SWT1: variants seen among roughly 807,000 people sequenced by gnomAD.
The protein encoded by SWT1 is transcriptional protein SWT1.
Under a neutral mutation model 107.3 loss-of-function variants are expected in SWT1, and 33 were observed. The observed-to-expected ratio is 0.31, with a 90% CI of 0.23 to 0.41. The LOEUF is 0.41. Ranked by LOEUF, SWT1 falls within the 10% of genes least tolerant of loss-of-function variation. SWT1 has a pLI of 1.00. For synonymous variants in SWT1, 345 were observed against 348.3 expected (o/e 0.99, Z 0.11); for missense variants, 898 against 1,028.9 (o/e 0.87, Z 1.74).
intron 16 of SWT1, among the ~76,000 whole-genome samples, chr1:185,250,917 C>A (rs1490800566): frequency 6.6e-6 from 1 of 152,204 alleles, no homozygotes; most frequent in East Asian, 1.9e-4. Context: ...GCCTCCTCGG[C>A]CTCCCAAAGT....
At chr1:185,221,068 C>T (rs2102526327) in intron 14 of SWT1, among the ~76,000 whole-genome samples, 1 of 152,208 alleles carries the variant, frequency 6.6e-6, no homozygotes, top group African/African-American at 2.4e-5. Flanking sequence ...CACACACACA[C>T]ACACACACAC....
chr1:185,161,202 A>G (rs1001403538), intron 2 of SWT1, among the ~76,000 whole-genome samples: 5 of 152,156 alleles, frequency 3.3e-5, no homozygotes, highest in Admixed American at 1.3e-4. Flanking sequence ...GGTATTCCTG[A>G]CTTCAATTCT....
chr1:185,236,055 A>G (rs1660849541), intron 16 of SWT1, among the ~76,000 whole-genome samples: 1 of 152,206 alleles, frequency 6.6e-6, no homozygotes, highest in Admixed American at 6.5e-5. Context: ...AGAAGACACA[A>G]ACAAATAGAA....
chr1:185,190,721 T>A, intron 10 of SWT1, 79 bp downstream of exon 10: 1 of 827,810 alleles, frequency 1.2e-6, no homozygotes, highest in Non-Finnish European at 1.9e-6. Context: ...GTATCCAGCA[T>A]ACCAAGGATC....
At chr1:185,157,579 C>T (rs1490984554) in intron 1 of SWT1, 1 of 152,640 alleles carries the variant, frequency 6.6e-6, no homozygotes. Context: ...CGGCGGTTTA[C>T]TAGCAGCTGA....
intron 16 of SWT1, among the ~76,000 whole-genome samples, chr1:185,255,457 G>T (rs542397828): frequency 7.4e-6 from 1 of 134,474 alleles, no homozygotes; most frequent in East Asian, 2.1e-4. Context: ...TATGAATCTT[G>T]GTGCTCCTGT....
chr1:185,189,030 G>C (rs1027896701), intron 9 of SWT1, among the ~76,000 whole-genome samples: 15 of 152,086 alleles, frequency 9.9e-5, no homozygotes, highest in African/African-American at 3.6e-4. Flanking sequence ...CCAGGCTGGA[G>C]TGCAGTGGCA....
intron 9 of SWT1, among the ~76,000 whole-genome samples, chr1:185,187,394 AAGGCAATAAAT>A (rs1656583612): frequency 6.6e-6 from 1 of 152,062 alleles, no homozygotes; most frequent in Non-Finnish European, 1.5e-5. Flanking sequence ...AAAATAATTA[AAGGCAATAAAT>A]AGTTATCTGC....
intron 17 of SWT1, 79 bp downstream of exon 17, chr1:185,271,468 T>TC (rs1663860567): frequency 6.9e-6 from 5 of 722,976 alleles, no homozygotes; most frequent in Middle Eastern, 3.5e-4. Context: ...GTAGGAGTTC[T>TC]CAAACATAGT....
chr1:185,187,690 T>C (rs555603339), intron 9 of SWT1, among the ~76,000 whole-genome samples: 1 of 152,254 alleles, frequency 6.6e-6, no homozygotes, highest in South Asian at 2.1e-4. Context: ...TTAAATTTTT[T>C]TTTATTTTTT....
rs1238158730 is a variant in SWT1 at position 185,281,945 on chromosome 1, C to G, written c.2573+5277C>G. On this transcript the variant is annotated intron_variant, in intron 18 of 18. Transcript: ENST00000367500. ...CTATTGACAACCCTCTGCTTCTGGC[C>G]ACCCTTGCTGTGGCATTACATGGAA... 2.0e-5 allele frequency: 3 copies of G among 152,264 alleles called. No homozygotes were observed. In the East Asian group the frequency reaches 5.8e-4, roughly 29 times the overall value. 9.4% of individuals were successfully genotyped at this position (152,264 alleles called of 1,614,324 possible).
intron 18 of SWT1, among the ~76,000 whole-genome samples, chr1:185,286,264 C>G (rs1664938750): frequency 6.6e-6 from 1 of 152,174 alleles, no homozygotes; most frequent in African/African-American, 2.4e-5. Flanking sequence ...CACTCTGTCG[C>G]CCAGACTGGA....
At chr1:185,250,040 A>G (rs1197319142) in intron 16 of SWT1, among the ~76,000 whole-genome samples, 2 of 152,230 alleles carry the variant, frequency 1.3e-5, no homozygotes, top group Admixed American at 6.5e-5. Flanking sequence ...GTGTTAGACA[A>G]AAGTCACAAC....
At chr1:185,245,418 C>T (rs1661537546) in intron 16 of SWT1, among the ~76,000 whole-genome samples, 1 of 152,052 alleles carries the variant, frequency 6.6e-6, no homozygotes, top group Non-Finnish European at 1.5e-5. Context: ...GATAACAGTG[C>T]CTTCTTCTGA....
chr1:185,255,806 A>G (rs996861786), intron 16 of SWT1, among the ~76,000 whole-genome samples: 41 of 151,546 alleles, frequency 2.7e-4, no homozygotes, highest in African/African-American at 9.5e-4. Flanking sequence ...GTTATGTGTG[A>G]ATTTGACCCT....
chr1:185,268,383 A>G (rs573589294), intron 16 of SWT1, among the ~76,000 whole-genome samples: 2 of 152,346 alleles, frequency 1.3e-5, no homozygotes, highest in East Asian at 3.9e-4. Flanking sequence ...ACAAGTAGCC[A>G]TTGAAAAGTT....
intron 16 of SWT1, chr1:185,264,042 G>T (rs1571657392): frequency 6.6e-6 from 1 of 152,218 alleles, no homozygotes; most frequent in African/African-American, 2.4e-5. Context: ...TGTGCTCCTG[G>T]ATTCTGGTAA....
At chr1:185,278,813 A>G (rs1042774243) in intron 18 of SWT1, among the ~76,000 whole-genome samples, 5 of 152,254 alleles carry the variant, frequency 3.3e-5, no homozygotes, top group Non-Finnish European at 7.3e-5. Flanking sequence ...ACTTAATAAA[A>G]GTATCACTAA....
chr1:185,186,337 T>C (rs1300879643), intron 9 of SWT1, among the ~76,000 whole-genome samples: 1 of 152,192 alleles, frequency 6.6e-6, no homozygotes, highest in African/African-American at 2.4e-5. Context: ...TTTAAGACTA[T>C]GAATTGGTAA....
Sources: allele counts gnomAD v4.1 joint callset (sites outside exome capture counted in the v4.1 genomes callset), GRCh38; gene constraint gnomAD v4.1.1; transcripts MANE v1.5; gene names NCBI Gene and HGNC (gene_info 2026-07-23, HGNC 2026-07-21).